Variants in UTY observed in about 807,000 individuals in gnomAD.
The protein encoded by UTY is ubiquitously transcribed tetratricopeptide repeat containing, Y-linked.
UTY carries 12 observed loss-of-function variants against 32.5 expected under a neutral mutation model. The ratio of observed to expected loss-of-function variants is 0.37; its 90% CI spans 0.24 to 0.60. The LOEUF is 0.60. Ranked by LOEUF, UTY falls within the 20% of genes least tolerant of loss-of-function variation. The pLI is 0.69. For synonymous variants in UTY, 131 were observed against 103.4 expected, an observed-to-expected ratio of 1.27 and a Z score of -1.62; for missense variants, 303 against 299.2, an observed-to-expected ratio of 1.01 and a Z score of -0.09.
chrY:13,367,632 G>C, intron 9 of UTY, among the ~76,000 whole-genome samples: 1 of 33,245 alleles, frequency 3.0e-5, no homozygotes, highest in Non-Finnish European at 7.4e-5. Flanking sequence ...CCACCAACTT[G>C]AGTAAAAGTT....
At chrY:13,239,199 G>A (rs962970155) in intron 28 of UTY, among the ~76,000 whole-genome samples, 1 of 33,102 alleles carries the variant, frequency 3.0e-5, no homozygotes, top group African/African-American at 1.2e-4. Context: ...AGGTTTGGAA[G>A]CAGCAAGAAT....
intron 8 of UTY, among the ~76,000 whole-genome samples, chrY:13,371,076 A>C: frequency 3.1e-5 from 1 of 32,087 alleles, no homozygotes; most frequent in Admixed American, 2.9e-4. Flanking sequence ...ACAATACAAA[A>C]ACCCAAACCT....
At chrY:13,361,978 C>T (rs2063583220) in intron 10 of UTY, among the ~76,000 whole-genome samples, 1 of 32,634 alleles carries the variant, frequency 3.1e-5, no homozygotes, top group African/African-American at 1.2e-4. Context: ...AATGTAACAG[C>T]GACAGACACC....
At chrY:13,346,521 C>A in intron 17 of UTY, among the ~76,000 whole-genome samples, 3 of 33,155 alleles carry the variant, frequency 9.0e-5, no homozygotes, top group African/African-American at 3.6e-4. Flanking sequence ...GTGGAGGTAC[C>A]AATATGGGAG....
chrY:13,307,235 T>C (rs2058748488), intron 21 of UTY, among the ~76,000 whole-genome samples: 1 of 33,511 alleles, frequency 3.0e-5, no homozygotes, highest in Non-Finnish European at 7.4e-5. Context: ...AAGAGTTCTA[T>C]ATAAATAATA....
At chrY:13,437,235 G>A (rs2074687408) in intron 4 of UTY, among the ~76,000 whole-genome samples, 2 of 32,644 alleles carry the variant, frequency 6.1e-5, no homozygotes, top group Admixed American at 5.5e-4. Context: ...AGTGGTTCCC[G>A]AGCTCTGCAA....
rs1205026491 is a variant in UTY at position 13,324,627 on chromosome Y, C to T, written c.3044G>A (p.Arg1015His). The stretch of plus-strand genomic sequence containing the variant: ...TAATTTAAGAGCTCCAGCAAGGCCA[C>T]GTATTACTGTAACAGGGTTTTTTGG... ...TNPKNPVTVIRGLAGALKLDL... is the reference protein window; with the variant it reads ...TNPKNPVTVIHGLAGALKLDL... The change falls in exon 20 of 30, where the codon CGT becomes CAT. Residue 1015 changes from arginine to histidine, a missense_variant. Physicochemically the swap from Arg to His is conservative, Grantham distance 29. Transcript: ENST00000545955. 3 of 396,237 alleles carry T rather than the reference C, an allele frequency of 7.6e-6. No homozygotes were observed. Among genetic ancestry groups the T allele is most frequent in the Non-Finnish European group, 7.1e-6 (2 of 282,205 alleles).
At chrY:13,254,188 T>C in intron 28 of UTY, among the ~76,000 whole-genome samples, 2 of 32,957 alleles carry the variant, frequency 6.1e-5, no homozygotes, top group African/African-American at 2.4e-4. Flanking sequence ...GTTGATGATA[T>C]CAAGGCCTGT....
At chrY:13,446,553 GAT>G (rs2075775958) in intron 4 of UTY, among the ~76,000 whole-genome samples, 44 of 2,345 alleles carry the variant, frequency 0.019, no homozygotes, top group Non-Finnish European at 0.019. Context: ...AACAGTGTGA[GAT>G]AGATAGATAG....
chrY:13,363,003 A>G, intron 10 of UTY, among the ~76,000 whole-genome samples: 1 of 32,103 alleles, frequency 3.1e-5, no homozygotes, highest in Non-Finnish European at 7.6e-5. Context: ...CCCTGGGTTC[A>G]GGTGATTCTC....
At chrY:13,329,672 A>G in intron 18 of UTY, among the ~76,000 whole-genome samples, 1 of 33,975 alleles carries the variant, frequency 2.9e-5, no homozygotes, top group Admixed American at 2.7e-4. Flanking sequence ...TAGTATGTGA[A>G]TTATATCTCA....
chrY:13,351,950 A>G, intron 17 of UTY, among the ~76,000 whole-genome samples: 2 of 33,647 alleles, frequency 5.9e-5, no homozygotes, highest in African/African-American at 2.3e-4. Flanking sequence ...CACTTTTCCA[A>G]CATAATGTGT....
At chrY:13,356,564 C>CGAA in intron 15 of UTY, among the ~76,000 whole-genome samples, 4 of 28,932 alleles carry the variant, frequency 1.4e-4, no homozygotes, top group Non-Finnish European at 2.5e-4. Context: ...TTAGGGAGGC[C>CGAA]GAAGAGGGCA....
At chrY:13,246,793 C>T, downstream of UTY, among the ~76,000 whole-genome samples, 1 of 25,020 alleles carries the variant, frequency 4.0e-5, no homozygotes, top group Admixed American at 4.2e-4. Context: ...AGGAGAATCG[C>T]TTGAACCCAA....
intron 3 of UTY, among the ~76,000 whole-genome samples, chrY:13,464,898 G>A (rs2077766796): frequency 3.1e-5 from 1 of 32,264 alleles, no homozygotes. Flanking sequence ...CTAACACGGT[G>A]AAACCCCATC....
At chrY:13,479,480 G>T (rs761330264) in intron 1 of UTY, 34 bp downstream of exon 1, 1 of 398,181 alleles carries the variant, frequency 2.5e-6, no homozygotes, top group South Asian at 3.0e-5. Flanking sequence ...GGAGAGTATC[G>T]CCAGCCAACC....
chrY:13,415,127 G>A (rs745676991), intron 4 of UTY, among the ~76,000 whole-genome samples: 1 of 32,120 alleles, frequency 3.1e-5, no homozygotes, highest in East Asian at 8.0e-4. Context: ...AAGTACTTGC[G>A]TATACATAGA....
Position 13,470,134 on chromosome Y carries a change from T to G in UTY, c.312A>C (p.Glu104Asp), listed in dbSNP as rs2078350563. 1 of 383,924 alleles carries G rather than the reference T, an allele frequency of 2.6e-6. No homozygotes were observed. The highest frequency in any genetic ancestry group is 3.6e-6 in the Non-Finnish European group (1 of 276,772). ...GAATAACAATACCTTTTGAATAATC[T>G]TCCAACAAGAGGTTGAAGTGACCTA... is the stretch of plus-strand genomic sequence containing the variant. ...CQLGHFNLLLEDYSKALSAYQ... is the reference protein window; with the variant it reads ...CQLGHFNLLLDDYSKALSAYQ... The change falls in exon 3 of 30, where the codon GAA becomes GAC. Residue 104 changes from glutamate to aspartate, a missense_variant. Physicochemically the swap from Glu to Asp is conservative, Grantham distance 45 (BLOSUM62 2). Transcript: ENST00000545955.
intron 20 of UTY, 149 bp downstream of exon 20, chrY:13,324,452 C>T (rs1212796663): frequency 2.9e-4 from 45 of 155,154 alleles, no homozygotes; most frequent in Non-Finnish European, 1.0e-4. Context: ...TGCTCATGCA[C>T]AAGAGGTATA....
Sources: allele counts gnomAD v4.1 joint callset (sites outside exome capture counted in the v4.1 genomes callset), GRCh38; gene constraint gnomAD v4.1.1; transcripts MANE v1.5; gene names NCBI Gene and HGNC (gene_info 2026-07-23, HGNC 2026-07-21).